The following RASAL2 variants were observed in gnomAD, a reference collection of about 807,000 sequenced individuals.
RASAL2 encodes RAS protein activator like 2.
RASAL2 carries 58 observed loss-of-function variants against 128.9 expected under a neutral mutation model. The ratio of observed to expected loss-of-function variants is 0.45; its 90% CI spans 0.36 to 0.56. The LOEUF is 0.56. Ranked by LOEUF, RASAL2 falls within the 20% of genes least tolerant of loss-of-function variation. RASAL2 has a pLI of 0.00. For missense variants in RASAL2, 1,360 were observed against 1,601.6 expected, an observed-to-expected ratio of 0.85 and a Z score of 2.57; for synonymous variants, 561 against 580.8, an observed-to-expected ratio of 0.97 and a Z score of 0.49.
chr1:178,400,202 T>C (rs1673523323), intron 4 of RASAL2, among the ~76,000 whole-genome samples: 1 of 152,210 alleles, frequency 6.6e-6, no homozygotes, highest in African/African-American at 2.4e-5. Flanking sequence ...TGTACTGCCT[T>C]TCCAGACTCA....
chr1:178,453,800 T>C (rs181365223), intron 11 of RASAL2, among the ~76,000 whole-genome samples: 211 of 152,272 alleles, frequency 1.4e-3, no homozygotes, highest in Middle Eastern at 6.8e-3. Context: ...AGCAATGTAT[T>C]GAAGAAAAAA....
intron 1 of RASAL2, among the ~76,000 whole-genome samples, chr1:178,124,529 A>C (rs1659825047): frequency 6.6e-6 from 1 of 152,172 alleles, no homozygotes; most frequent in Admixed American, 6.5e-5. Flanking sequence ...TGTAGATAAG[A>C]GTTTAGTGGA....
At chr1:178,102,565 C>CT (rs911023466) in intron 1 of RASAL2, among the ~76,000 whole-genome samples, 5 of 151,994 alleles carry the variant, frequency 3.3e-5, no homozygotes, top group Non-Finnish European at 5.9e-5. Flanking sequence ...TTATTCCAGT[C>CT]TTTTTTGTGT....
intron 3 of RASAL2, among the ~76,000 whole-genome samples, chr1:178,382,605 G>T (rs1672342995): frequency 6.6e-6 from 1 of 152,068 alleles, no homozygotes; most frequent in Admixed American, 6.5e-5. Flanking sequence ...GCAAACATGG[G>T]CAGAGTAATA....
At chr1:178,212,942 C>T (rs1461166911) in intron 1 of RASAL2, among the ~76,000 whole-genome samples, 1 of 152,182 alleles carries the variant, frequency 6.6e-6, no homozygotes, top group East Asian at 1.9e-4. Flanking sequence ...TGTGTACTTT[C>T]CTGACCTTTG....
chr1:178,180,485 C>CAAAA (rs71108033), intron 1 of RASAL2, among the ~76,000 whole-genome samples: 42 of 72,540 alleles, frequency 5.8e-4, no homozygotes, highest in East Asian at 3.4e-3. Context: ...TCATCTCTAC[C>CAAAA]AAAAAAAAAA....
At chr1:178,190,696 G>A (rs1390594297) in intron 1 of RASAL2, among the ~76,000 whole-genome samples, 1 of 150,862 alleles carries the variant, frequency 6.6e-6, no homozygotes, top group Non-Finnish European at 1.5e-5. Flanking sequence ...TCTCATATGC[G>A]TGATCTTATG....
At chr1:178,288,274 C>T (rs1035546997) in intron 2 of RASAL2, among the ~76,000 whole-genome samples, 1 of 152,164 alleles carries the variant, frequency 6.6e-6, no homozygotes, top group Non-Finnish European at 1.5e-5. Context: ...AGAATAATTT[C>T]TAAGAAGATG....
At chr1:178,426,317 AT>A (rs1273641981) in intron 5 of RASAL2, among the ~76,000 whole-genome samples, 18 of 152,206 alleles carry the variant, frequency 1.2e-4, no homozygotes, top group African/African-American at 4.1e-4. Flanking sequence ...TTCATCAGCA[AT>A]AAAAAGAGTA....
chr1:178,172,552 A>G (rs1023155828), intron 1 of RASAL2, among the ~76,000 whole-genome samples: 2 of 152,050 alleles, frequency 1.3e-5, no homozygotes, highest in Non-Finnish European at 2.9e-5. Context: ...TCTTTAGCCT[A>G]TCCTGAAGTA....
At chr1:178,241,806 C>A (rs1240615865) in intron 1 of RASAL2, among the ~76,000 whole-genome samples, 1 of 152,216 alleles carries the variant, frequency 6.6e-6, no homozygotes, top group Non-Finnish European at 1.5e-5. Flanking sequence ...TCTCCCCCTT[C>A]CACAAATACG....
intron 3 of RASAL2, among the ~76,000 whole-genome samples, chr1:178,319,817 C>G (rs1668665898): frequency 6.6e-6 from 1 of 152,234 alleles, no homozygotes; most frequent in South Asian, 2.1e-4. Context: ...CTCCATCCAG[C>G]TTTGTTCTGT....
At position 178,473,931 on chromosome 1, in the gene RASAL2, C is replaced by T. The variant is rs1339255742; in HGVS notation, c.*692C>T. 1 of 152,326 alleles carries T rather than the reference C, an allele frequency of 6.6e-6. No homozygotes were observed. Among genetic ancestry groups the T allele is most frequent in the Non-Finnish European group, 1.5e-5 (1 of 68,068 alleles). The allele number at this position is 152,326 out of a possible 1,614,324, so 9.4% of individuals were successfully genotyped here. ...GACTTTAGGAGTAATTTCTATTGAACTCCTGTCAATATGTTTATTTCCTCT... is the reference window on the plus strand; with the variant it reads ...GACTTTAGGAGTAATTTCTATTGAATTCCTGTCAATATGTTTATTTCCTCT... On this transcript the variant is annotated 3_prime_UTR_variant, in exon 18 of 18. Transcript: ENST00000367649.
Position 178,447,673 on chromosome 1 carries a change from T to TAAAAAAA in RASAL2, c.1627+2033_1627+2039dup, listed in dbSNP as rs60358768. On this transcript the variant is annotated intron_variant, in intron 9 of 17. Coordinates refer to ENST00000367649, the MANE Select transcript of RASAL2 (RefSeq NM_170692.4). ...GAGACAAGAGCAAAACTCCTTCTCT[T>TAAAAAAA]AAAAAAAAAAAAAAAAAAAAAAAAA... Among the ~76,000 whole-genome samples, 7 of 56,050 alleles carry TAAAAAAA rather than the reference T, an allele frequency of 1.2e-4. 1 individual carries two copies. Among genetic ancestry groups the TAAAAAAA allele is most frequent in the African/African-American group, 2.8e-4 (4 of 14,456 alleles). The allele number at this position is 56,050 out of a possible 152,430, so 36.8% of individuals were successfully genotyped here. A position where few individuals can be genotyped will look rare whatever the true frequency, so the allele number is the denominator to read the frequency against.
At chr1:178,433,282 T>C (rs1406260560) in intron 5 of RASAL2, among the ~76,000 whole-genome samples, 28 of 152,140 alleles carry the variant, frequency 1.8e-4, no homozygotes, top group Admixed American at 1.8e-3. Flanking sequence ...TTTGTGTTAC[T>C]GTTTTCTCCA....
chr1:178,097,195 G>A (rs1658722921), intron 1 of RASAL2, among the ~76,000 whole-genome samples: 8 of 152,144 alleles, frequency 5.3e-5, no homozygotes, highest in Admixed American at 5.2e-4. Flanking sequence ...TTTCATTCTG[G>A]CTTTGCCACA....
chr1:178,232,292 T>TA (rs1664042527), intron 1 of RASAL2, among the ~76,000 whole-genome samples: 2 of 152,200 alleles, frequency 1.3e-5, no homozygotes, highest in African/African-American at 2.4e-5. Context: ...GTACTTGCTT[T>TA]AACAAATTTT....
Position 178,275,315 on chromosome 1 carries a change from G to A in RASAL2, c.203-8249G>A, listed in dbSNP as rs183485447. 2.6e-5 allele frequency among the ~76,000 whole-genome samples: 4 copies of A among 152,238 alleles called. No homozygotes were observed. In the East Asian group the frequency reaches 7.7e-4, roughly 29 times the overall value. ...AGTGATCTCAGCTCCCAAGTAGCTGGGACTATAGAGGCATGCCCTGATATC... is the reference window on the plus strand; with the variant it reads ...AGTGATCTCAGCTCCCAAGTAGCTGAGACTATAGAGGCATGCCCTGATATC... On this transcript the variant is annotated intron_variant, in intron 1 of 17. Transcript: ENST00000367649.
chr1:178,296,049 GTA>G (rs1324590814), intron 2 of RASAL2, among the ~76,000 whole-genome samples: 7 of 151,734 alleles, frequency 4.6e-5, no homozygotes, highest in African/African-American at 1.2e-4. Flanking sequence ...ATGTGTGTGT[GTA>G]TATATATGTG....
Sources: gnomAD v4.1 joint callset for allele counts (sites outside exome capture counted in the v4.1 genomes callset) on GRCh38, gnomAD v4.1.1 for gene constraint, MANE v1.5 for transcripts, NCBI Gene and HGNC (gene_info 2026-07-23, HGNC 2026-07-21) for gene names.